FBXL5: variants seen among roughly 807,000 people sequenced by gnomAD.
FBXL5 encodes the protein F-box and leucine rich repeat protein 5, also known as F-box/LRR-repeat protein 5.
Under a neutral mutation model 78.3 loss-of-function variants are expected in FBXL5, and 26 were observed. That is an observed-to-expected ratio of 0.33 (90% CI 0.24 to 0.46). The LOEUF is 0.46. Ranked by LOEUF, FBXL5 falls within the 20% of genes least tolerant of loss-of-function variation. The probability of loss-of-function intolerance (pLI) is 1.00; values close to 1 mark genes in which losing one functional copy is unlikely to be tolerated. For synonymous variants in FBXL5, 295 were observed against 282.5 expected, an observed-to-expected ratio of 1.04 and a Z score of -0.45; for missense variants, 710 against 829.2, an observed-to-expected ratio of 0.86 and a Z score of 1.77.
chr4:15,679,562 C>CAAAAAAAAAAAAAAAA (rs1202369624), intron 1 of FBXL5, among the ~76,000 whole-genome samples: 2 of 94,354 alleles, frequency 2.1e-5, no homozygotes, highest in Non-Finnish European at 2.3e-5. Context: ...AGTTCAGGAA[C>CAAAAAAAAAAAAAAAA]AAAAAAAAAA....
chr4:15,635,712 C>T (rs1714177342), intron 5 of FBXL5, among the ~76,000 whole-genome samples: 1 of 143,246 alleles, frequency 7.0e-6, no homozygotes, highest in Admixed American at 7.3e-5. Context: ...AAGATCGCGC[C>T]ATTGCACTCT....
chr4:15,631,148 A>T (rs549253135), intron 5 of FBXL5, among the ~76,000 whole-genome samples: 1 of 152,058 alleles, frequency 6.6e-6, no homozygotes, highest in African/African-American at 2.4e-5. Context: ...ATTCCCAACT[A>T]TGAGTGAGAA....
intron 5 of FBXL5, among the ~76,000 whole-genome samples, chr4:15,633,101 A>G (rs1713854507): frequency 6.6e-6 from 1 of 152,238 alleles, no homozygotes; most frequent in Non-Finnish European, 1.5e-5. Flanking sequence ...TTTCAGACAC[A>G]CTGAGAAGAA....
At position 15,666,022 on chromosome 4, in the gene FBXL5, T is replaced by TA. The variant is rs1560250169; in HGVS notation, c.-283-6101_-283-6100insT. ...TCAATTTCCTACTGACAACCTTTTTTTAAAAAAAAAAAAATGACCATTTCC... is the reference window on the plus strand; with the variant it reads ...TCAATTTCCTACTGACAACCTTTTTTATAAAAAAAAAAAAATGACCATTTCC... On this transcript the variant is annotated intron_variant, in intron 1 of 4. Transcript: ENST00000507899. Among the ~76,000 whole-genome samples, 107 of 139,488 alleles carry TA rather than the reference T, an allele frequency of 7.7e-4. 1 individual carries two copies. In the East Asian group the frequency reaches 0.019, roughly 24 times the overall value. The allele number at this position is 139,488 out of a possible 152,430, so 91.5% of individuals were successfully genotyped here.
upstream of FBXL5, among the ~76,000 whole-genome samples, chr4:15,662,017 A>G (rs1717334095): frequency 6.6e-6 from 1 of 152,198 alleles, no homozygotes; most frequent in Non-Finnish European, 1.5e-5. Context: ...AGGGCCAATA[A>G]AGAGAGAGAG....
At chr4:15,618,815 A>G (rs997100242) in intron 9 of FBXL5, among the ~76,000 whole-genome samples, 1 of 152,190 alleles carries the variant, frequency 6.6e-6, no homozygotes, top group Non-Finnish European at 1.5e-5. Flanking sequence ...TGCACTCTGG[A>G]CGACAGAGCA....
upstream of FBXL5, among the ~76,000 whole-genome samples, chr4:15,658,395 A>T (rs1455109500): frequency 6.6e-6 from 1 of 152,250 alleles, no homozygotes; most frequent in Non-Finnish European, 1.5e-5. Flanking sequence ...GCTGAAACTT[A>T]ATCCCCAATA....
At position 15,680,174 on chromosome 4, in the gene FBXL5, G is replaced by A. The variant is rs375298328; in HGVS notation, c.-284+1209C>T. 2.5e-4 allele frequency among the ~76,000 whole-genome samples: 38 copies of A among 151,828 alleles called. No individual in the cohort carries two copies. In the East Asian group the frequency reaches 6.8e-3, roughly 27 times the overall value. On this transcript the variant is annotated intron_variant, in intron 1 of 4. Coordinates refer to the FBXL5 transcript ENST00000507899. ...TTGAAGGAGAGACCGAGTGAAATAA[G>A]ACTGTATATTCTCATCTGCTTGTAT...
chr4:15,652,160 T>C (rs896129337), intron 1 of FBXL5, among the ~76,000 whole-genome samples: 2 of 152,116 alleles, frequency 1.3e-5, no homozygotes, highest in African/African-American at 4.8e-5. Context: ...GACTGAGAAA[T>C]TGAAGTAAAA....
At chr4:15,622,081 C>T (rs566613675) in intron 9 of FBXL5, among the ~76,000 whole-genome samples, 16 of 152,286 alleles carry the variant, frequency 1.1e-4, no homozygotes, top group South Asian at 2.1e-4. Context: ...GATCCTACTG[C>T]GTTGGCCTCC....
At chr4:15,637,902 TAAAA>T (rs10711266) in intron 4 of FBXL5, among the ~76,000 whole-genome samples, 1 of 144,802 alleles carries the variant, frequency 6.9e-6, no homozygotes, top group East Asian at 2.0e-4. Context: ...CTAGTTTTTT[TAAAA>T]AAAAAAAAAA....
upstream of FBXL5, among the ~76,000 whole-genome samples, chr4:15,659,512 G>A (rs1055026604): frequency 6.6e-6 from 1 of 152,164 alleles, no homozygotes; most frequent in Non-Finnish European, 1.5e-5. Context: ...AGGAGAATGT[G>A]AGCTGCACCG....
intron 1 of FBXL5, among the ~76,000 whole-genome samples, chr4:15,668,654 G>A (rs1018968191): frequency 6.6e-6 from 1 of 152,030 alleles, no homozygotes; most frequent in African/African-American, 2.4e-5. Flanking sequence ...TGAAATAAAG[G>A]CTTAAAATCT....
chr4:15,664,477 T>TA (rs1717447037), upstream of FBXL5, among the ~76,000 whole-genome samples: 1 of 151,930 alleles, frequency 6.6e-6, no homozygotes, highest in African/African-American at 2.4e-5. Flanking sequence ...GTACCTCACT[T>TA]ATAAAGTTAA....
intron 9 of FBXL5, among the ~76,000 whole-genome samples, chr4:15,624,532 T>G (rs1292277070): frequency 6.6e-6 from 1 of 151,818 alleles, no homozygotes; most frequent in Admixed American, 6.6e-5. Flanking sequence ...AGAACCTAGC[T>G]GCTGAAAAGA....
chr4:15,651,077 T>C (rs1237833282), intron 1 of FBXL5, among the ~76,000 whole-genome samples: 1 of 152,162 alleles, frequency 6.6e-6, no homozygotes, highest in Non-Finnish European at 1.5e-5. Flanking sequence ...CAAAAACACA[T>C]ATATTATTCC....
chr4:15,636,751 A>T, intron 4 of FBXL5, 75 bp from the exon 5 acceptor site: 1 of 1,130,196 alleles, frequency 8.8e-7, no homozygotes, highest in East Asian at 2.5e-5. Context: ...TTACATTTCT[A>T]TAAACAAAAT....
intron 4 of FBXL5, among the ~76,000 whole-genome samples, chr4:15,638,133 C>G (rs573974056): frequency 6.6e-6 from 1 of 152,170 alleles, no homozygotes; most frequent in East Asian, 1.9e-4. Flanking sequence ...GTCAATAAAG[C>G]TCAGGAAGCA....
At chr4:15,668,920 A>G (rs1326097216) in intron 1 of FBXL5, among the ~76,000 whole-genome samples, 1 of 152,188 alleles carries the variant, frequency 6.6e-6, no homozygotes, top group Non-Finnish European at 1.5e-5. Context: ...ACAGTAGCTC[A>G]TTTACTTTTT....
Sources: gnomAD v4.1 joint callset for allele counts (sites outside exome capture counted in the v4.1 genomes callset) on GRCh38, gnomAD v4.1.1 for gene constraint, MANE v1.5 for transcripts, NCBI Gene and HGNC (gene_info 2026-07-23, HGNC 2026-07-21) for gene names.